DNA2: variants seen among roughly 807,000 people sequenced by gnomAD.
DNA2 encodes the protein DNA replication ATP-dependent helicase/nuclease DNA2.
In DNA2, 101 loss-of-function variants were observed where a neutral mutation model predicts 119.1. The ratio of observed to expected loss-of-function variants is 0.85; its 90% CI spans 0.72 to 1.00. The LOEUF (loss-of-function observed/expected upper bound fraction) is 1.00. DNA2 is among the 50% of genes least tolerant of loss of function. The pLI, the probability that DNA2 is intolerant of heterozygous loss-of-function variation, is 0.00. For synonymous variants in DNA2, 366 were observed against 424.4 expected (o/e 0.86, Z 1.69); for missense variants, 1,121 against 1,255.5 (o/e 0.89, Z 1.62).
Position 68,444,911 on chromosome 10 carries a change from C to A in DNA2, c.1220+10G>T. On this transcript the variant is annotated intron_variant, in intron 8 of 20. Transcript: ENST00000358410. ...AACTAGAAATAATGCCTTTGGTAGA[C>A]AATATTTACCTGCTATAAAGAGCAC... 1 of 1,608,122 alleles carries A rather than the reference C, an allele frequency of 6.2e-7. No homozygotes were observed. Among genetic ancestry groups the A allele is most frequent in the South Asian group, 1.1e-5 (1 of 90,304 alleles).
intron 8 of DNA2, among the ~76,000 whole-genome samples, chr10:68,444,359 C>T (rs546454030): frequency 1.3e-5 from 2 of 151,282 alleles, no homozygotes; most frequent in South Asian, 4.2e-4. Flanking sequence ...CACCGCACTC[C>T]AGCCCTAGTG....
At chr10:68,443,321 C>T (rs1449408882) in intron 8 of DNA2, among the ~76,000 whole-genome samples, 1 of 152,142 alleles carries the variant, frequency 6.6e-6, no homozygotes, top group Non-Finnish European at 1.5e-5. Flanking sequence ...CATTATTTTG[C>T]CTTCAGCGAC....
intron 14 of DNA2, among the ~76,000 whole-genome samples, chr10:68,429,223 A>T (rs569919332): frequency 6.7e-6 from 1 of 150,036 alleles, no homozygotes; most frequent in South Asian, 2.1e-4. Flanking sequence ...CCATAATCCC[A>T]GCTACTTGGT....
intron 14 of DNA2, among the ~76,000 whole-genome samples, chr10:68,426,076 C>T (rs1039527373): frequency 1.3e-5 from 2 of 151,840 alleles, no homozygotes; most frequent in Non-Finnish European, 2.9e-5. Context: ...GCAGAGGTTA[C>T]AGAGAGCCAA....
chr10:68,460,423 T>G (rs2052242076), intron 4 of DNA2, among the ~76,000 whole-genome samples: 1 of 126,542 alleles, frequency 7.9e-6, no homozygotes, highest in African/African-American at 2.5e-5. Context: ...ACGGTAATTT[T>G]TTTTTTTTTT....
At chr10:68,460,551 A>G (rs2052243748) in intron 4 of DNA2, among the ~76,000 whole-genome samples, 1 of 151,332 alleles carries the variant, frequency 6.6e-6, no homozygotes, top group Non-Finnish European at 1.5e-5. Context: ...GGAACCATAG[A>G]CATATGACAC....
chr10:68,415,248 T>C (rs1388567370), intron 20 of DNA2, 141 bp from the exon 21 acceptor site: 2 of 575,986 alleles, frequency 3.5e-6, no homozygotes, highest in African/African-American at 3.8e-5. Context: ...TGAATAATTA[T>C]GCCTTTAAGC....
In DNA2 at chr10:68,422,768, A is replaced by C. The variant is rs760551270; in HGVS notation, c.2331T>G (p.Phe777Leu). 1.9e-6 allele frequency: 3 copies of C among 1,610,464 alleles called. No homozygotes were observed. The highest frequency in any genetic ancestry group is 1.7e-6 in the Non-Finnish European group (2 of 1,179,142). Residue 777 changes from phenylalanine to leucine, a missense_variant, in exon 15 of 21, where the codon TTT (phenylalanine) becomes TTG (leucine). Transcript: ENST00000358410. ...CCACTAACACAAATCTCCGTGAAAA[A>C]AAAAGGGGGCCCAGACAAATTGGTT... Reference protein sequence around the residue: ...ISQPICLGPLFFSRRFVLVGD... With the variant: ...ISQPICLGPLLFSRRFVLVGD...
chr10:68,470,063 C>A lies in DNA2; in HGVS notation c.175G>T (p.Glu59Ter). 1 of 1,613,838 alleles carries A rather than the reference C, an allele frequency of 6.2e-7. No individual in the cohort carries two copies. Among genetic ancestry groups the A allele is most frequent in the Non-Finnish European group, 8.5e-7 (1 of 1,179,838 alleles). The change falls in exon 2 of 21, where the codon GAG becomes TAG. Residue 59 changes from glutamate to a stop codon, truncating the protein, a stop_gained. Coordinates refer to ENST00000358410, the MANE Select transcript of DNA2 (RefSeq NM_001080449.3). LOFTEE classifies it high-confidence loss of function. The part of the protein sequence containing the change: ...VLAVNTVQNK[E>*]GNCEKRLVIT... ...ACCAGGCGCTTTTCACAGTTTCCCT[C>A]TTTGTTCTGTACAGTATTGACTGCC... is the stretch of plus-strand genomic sequence containing the variant.
At chr10:68,452,295 C>T (rs939088787) in intron 5 of DNA2, among the ~76,000 whole-genome samples, 1 of 152,030 alleles carries the variant, frequency 6.6e-6, no homozygotes, top group Non-Finnish European at 1.5e-5. Flanking sequence ...GGTGGGGCAA[C>T]ATGGTGAACT....
At position 68,446,287 on chromosome 10, in the gene DNA2, C is replaced by G. The variant is rs757243525; in HGVS notation, c.1057+9G>C. Reference sequence around the variant, plus strand: ...CAAAGAAGTAAAACTAAAAAAAAAACGGCTCAACCTCTTTTATCTAGATGG... The same window carrying G: ...CAAAGAAGTAAAACTAAAAAAAAAAGGGCTCAACCTCTTTTATCTAGATGG... On this transcript the variant is annotated intron_variant, in intron 7 of 20. Coordinates refer to ENST00000358410, the MANE Select transcript of DNA2 (RefSeq NM_001080449.3). 9.6e-6 allele frequency: 14 copies of G among 1,464,962 alleles called. No homozygotes were observed. The highest frequency in any genetic ancestry group is 1.2e-5 in the Non-Finnish European group (13 of 1,077,258). 90.7% of individuals were successfully genotyped at this position (1,464,962 alleles called of 1,614,324 possible). A position where few individuals can be genotyped will look rare whatever the true frequency, so the allele number is the denominator to read the frequency against.
At chr10:68,420,204 A>AACTT (rs1489254765) in intron 17 of DNA2, among the ~76,000 whole-genome samples, 10 of 152,220 alleles carry the variant, frequency 6.6e-5, no homozygotes, top group Non-Finnish European at 1.2e-4. Flanking sequence ...AAGAATAAGT[A>AACTT]ACTTTCCCAA....
rs187899677 is a variant in DNA2 at position 68,449,453 on chromosome 10, T to C, written c.939+575A>G. Among the ~76,000 whole-genome samples the C allele has an allele frequency of 2.2e-4, 34 of 152,258 alleles. No homozygotes were observed. The East Asian group carries it at 4.8e-3, about 22-fold the overall frequency. ...TTTTCATTCCCAAATGTAAAGCTCT[T>C]GTGAAAACCTTCAATATTTCGTACA... is the stretch of plus-strand genomic sequence containing the variant. On this transcript the variant is annotated intron_variant, in intron 6 of 20. Transcript: ENST00000358410.
At chr10:68,426,155 A>C (rs539799252) in intron 14 of DNA2, among the ~76,000 whole-genome samples, 27 of 152,056 alleles carry the variant, frequency 1.8e-4, no homozygotes, top group African/African-American at 6.5e-4. Flanking sequence ...AACCTTCAGC[A>C]TCTGGGGCTA....
At chr10:68,421,529 G>A (rs544148103) in intron 17 of DNA2, among the ~76,000 whole-genome samples, 2 of 151,364 alleles carry the variant, frequency 1.3e-5, no homozygotes, top group African/African-American at 2.4e-5. Flanking sequence ...TGAAGCAGGC[G>A]GATCATTTGA....
rs767073680 is a variant in DNA2, at chr10:68,430,568, A to C, written c.2076T>G (p.Phe692Leu). The C allele has an allele frequency of 6.2e-7, 1 of 1,608,706 alleles. No individual in the cohort carries two copies. Among genetic ancestry groups the C allele is most frequent in the Non-Finnish European group, 8.5e-7 (1 of 1,177,344 alleles). Residue 692 changes from phenylalanine to leucine, a missense_variant, in exon 14 of 21, where the codon TTT becomes TTG. Phe to Leu is a conservative substitution (Grantham distance 22). Coordinates refer to ENST00000358410, the MANE Select transcript of DNA2 (RefSeq NM_001080449.3). ...VDNILLKLAK[F>L]KIGFLRLGQI... ...GACCCAAACGCAAAAATCCTATTTTAAACTTGGCTAACTTCAAAAGAATAT... is the reference window on the plus strand; with the variant it reads ...GACCCAAACGCAAAAATCCTATTTTCAACTTGGCTAACTTCAAAAGAATAT...
chr10:68,419,770 T>C, intron 18 of DNA2, 33 bp downstream of exon 18: 1 of 1,491,374 alleles, frequency 6.7e-7, no homozygotes, highest in Non-Finnish European at 9.4e-7. Context: ...TTCTGCACTT[T>C]AATATTTGCT....
chr10:68,436,413 T>C (rs1319669795), intron 10 of DNA2, among the ~76,000 whole-genome samples: 1 of 152,158 alleles, frequency 6.6e-6, no homozygotes, highest in African/African-American at 2.4e-5. Context: ...TGCCAGGGAC[T>C]TCAGGGAGGA....
rs543789655 is a variant in DNA2, at chr10:68,440,823, CA to C, written c.1415+2093del. On this transcript the variant is annotated intron_variant, in intron 9 of 20. Coordinates refer to ENST00000358410, the MANE Select transcript of DNA2 (RefSeq NM_001080449.3). ...TTTCTAAAGTCACATCATTAATACT[CA>C]TTCTGCAAAGAAAAAATGAAGCTAA... 4.7e-3 allele frequency among the ~76,000 whole-genome samples: 719 copies of C among 152,198 alleles called. 12 individuals carry two copies. The highest frequency in any genetic ancestry group is 0.017 in the African/African-American group (686 of 41,546).
Sources: gnomAD v4.1 joint callset for allele counts (sites outside exome capture counted in the v4.1 genomes callset) on GRCh38, gnomAD v4.1.1 for gene constraint, MANE v1.5 for transcripts, NCBI Gene and HGNC (gene_info 2026-07-23, HGNC 2026-07-21) for gene names.